FNTA: variants seen among roughly 807,000 people sequenced by gnomAD.
FNTA encodes farnesyltransferase, CAAX box, subunit alpha.
A neutral mutation model predicts 55.2 loss-of-function variants in FNTA; 27 were observed. The observed-to-expected ratio is 0.49, with a 90% confidence interval of 0.36 to 0.67. The LOEUF is 0.67. Among genes scored for constraint, FNTA ranks in the 30% least tolerant of loss-of-function variants. The pLI, the probability that FNTA is intolerant of heterozygous loss-of-function variation, is 0.00. For missense variants in FNTA, 422 were observed against 464.7 expected, an observed-to-expected ratio of 0.91 and a Z score of 0.85; for synonymous variants, 176 against 170.7, an observed-to-expected ratio of 1.03 and a Z score of -0.24.
At chr8:43,081,206 T>G (rs1811020202) in intron 6 of FNTA, 1 of 152,216 alleles carries the variant, frequency 6.6e-6, no homozygotes, top group Admixed American at 6.5e-5. Context: ...CTTTTACTGT[T>G]CTTCATCCCA....
chr8:43,065,679 C>T (rs1432106643), intron 3 of FNTA, among the ~76,000 whole-genome samples: 2 of 151,384 alleles, frequency 1.3e-5, no homozygotes, highest in Non-Finnish European at 2.9e-5. Context: ...GAACACAGGT[C>T]ATCCTTCAGT....
intron 2 of FNTA, among the ~76,000 whole-genome samples, chr8:43,059,603 TA>T (rs1265705462): frequency 6.6e-6 from 1 of 152,222 alleles, no homozygotes; most frequent in African/African-American, 2.4e-5. Flanking sequence ...CATTTATTGA[TA>T]TTAAAATGAG....
chr8:43,065,664 CT>C (rs1810639143), intron 3 of FNTA, among the ~76,000 whole-genome samples: 1 of 151,396 alleles, frequency 6.6e-6, no homozygotes, highest in Admixed American at 6.6e-5. Flanking sequence ...TATCATTTTT[CT>C]ATTGAACACA....
chr8:43,084,951 C>T, intron 8 of FNTA, 70 bp downstream of exon 8: 10 of 1,420,392 alleles, frequency 7.0e-6, no homozygotes, highest in Non-Finnish European at 9.8e-6. Flanking sequence ...CCACTAATAT[C>T]CATGTCCCCT....
intron 6 of FNTA, chr8:43,081,896 T>C (rs991663295): frequency 6.6e-6 from 1 of 152,208 alleles, no homozygotes; most frequent in Non-Finnish European, 1.5e-5. Flanking sequence ...AAATAGGTAA[T>C]GCTTTAGTAC....
intron 1 of FNTA, chr8:43,057,353 A>G (rs905402103): frequency 2.6e-5 from 4 of 152,228 alleles, no homozygotes; most frequent in Non-Finnish European, 5.9e-5. Flanking sequence ...GTGAATGAGT[A>G]GAAGTCACTA....
At chr8:43,067,571 T>C (rs549409803) in intron 3 of FNTA, among the ~76,000 whole-genome samples, 1 of 152,252 alleles carries the variant, frequency 6.6e-6, no homozygotes, top group South Asian at 2.1e-4. Flanking sequence ...TATTGCTGTT[T>C]TGAAAGAAGC....
intron 5 of FNTA, among the ~76,000 whole-genome samples, chr8:43,075,436 GT>G (rs752898520): frequency 2.3e-4 from 34 of 151,100 alleles, no homozygotes; most frequent in Non-Finnish European, 1.2e-4. Context: ...TTATTTATAA[GT>G]TTTTTTTATC....
intron 4 of FNTA, 52 bp downstream of exon 4, chr8:43,069,711 C>T (rs1193506273): frequency 3.8e-6 from 4 of 1,066,208 alleles, no homozygotes; most frequent in South Asian, 1.3e-5. Flanking sequence ...GTGGCATGAC[C>T]TCGGCTCACT....
At position 43,064,222 on chromosome 8, in the gene FNTA, A is replaced by C. The variant is rs1810601811; in HGVS notation, c.401+7A>C. On this transcript the variant is annotated splice_region_variant and intron_variant, in intron 3 of 8. Transcript: ENST00000302279. ...CAGCCAATTATACAGTGTGGTAAGT[A>C]ATACACATCATCAGTATTCCCTGCT... 6.7e-7 allele frequency: 1 copy of C among 1,486,182 alleles called. No homozygotes were observed. Among genetic ancestry groups the C allele is most frequent in the Non-Finnish European group, 9.4e-7 (1 of 1,063,828 alleles). 92.1% of individuals were successfully genotyped at this position (1,486,182 alleles called of 1,614,324 possible). A position where few individuals can be genotyped will look rare whatever the true frequency, so the allele number is the denominator to read the frequency against.
At chr8:43,078,221 T>C (rs1172795824) in intron 6 of FNTA, 1 of 152,236 alleles carries the variant, frequency 6.6e-6, no homozygotes, top group Non-Finnish European at 1.5e-5. Flanking sequence ...CTCTGGGCTT[T>C]TGTCTGGAGC....
At position 43,064,199 on chromosome 8, in the gene FNTA, G is replaced by T; in HGVS notation, c.385G>T (p.Ala129Ser). The change falls in exon 3 of 9, where the codon GCC (alanine) becomes TCC (serine). Residue 129 changes from alanine to serine, a missense_variant. Ala to Ser is a moderately conservative substitution (Grantham distance 99). Transcript: ENST00000302279. ...CCGGGATGCTATTGAGTTAAATGCAGCCAATTATACAGTGTGGTAAGTAAT... is the reference window on the plus strand; with the variant it reads ...CCGGGATGCTATTGAGTTAAATGCATCCAATTATACAGTGTGGTAAGTAAT... ...LTRDAIELNA[A>S]NYTVWHFRRV... 1 of 1,607,460 alleles carries T rather than the reference G, an allele frequency of 6.2e-7. No individual in the cohort carries two copies. The highest frequency in any genetic ancestry group is 1.3e-5 in the African/African-American group (1 of 74,892).
chr8:43,062,176 TG>T (rs1810549153), intron 2 of FNTA, among the ~76,000 whole-genome samples: 1 of 12,994 alleles, frequency 7.7e-5, no homozygotes, highest in Non-Finnish European at 9.5e-4. Context: ...ATGTTTTATG[TG>T]TGTGTGTGTG....
rs761826685 is a variant in FNTA, at chr8:43,085,210, G to C, written c.1068G>C (p.Trp356Cys). 2 of 1,595,232 alleles carry C rather than the reference G, an allele frequency of 1.3e-6. No individual in the cohort carries two copies. ...KEKDTIRKEYWRYIGRSLQSK... is the reference protein window; with the variant it reads ...KEKDTIRKEYCRYIGRSLQSK... ...AGGACACTATAAGAAAGGAATATTG[G>C]AGATACATTGGAAGATCCCTTCAAA... Residue 356 changes from tryptophan (W) to cysteine (C), a missense_variant, in exon 9 of 9, where the codon TGG becomes TGC. Trp to Cys is a radical substitution (Grantham distance 215). Coordinates refer to ENST00000302279, the MANE Select transcript of FNTA (RefSeq NM_002027.3).
intron 7 of FNTA, among the ~76,000 whole-genome samples, chr8:43,083,943 C>G (rs1586662869): frequency 6.6e-6 from 1 of 152,114 alleles, no homozygotes; most frequent in African/African-American, 2.4e-5. Flanking sequence ...CATGTTGGTG[C>G]ACACCTGTAA....
intron 2 of FNTA, among the ~76,000 whole-genome samples, chr8:43,062,154 G>A (rs1810547257): frequency 6.9e-6 from 1 of 145,400 alleles, no homozygotes; most frequent in Non-Finnish European, 1.5e-5. Flanking sequence ...TTTTATCAAT[G>A]TGCATATGTG....
chr8:43,064,844 AT>A (rs1218557745), intron 3 of FNTA, among the ~76,000 whole-genome samples: 106 of 141,000 alleles, frequency 7.5e-4, no homozygotes, highest in Admixed American at 1.7e-3. Flanking sequence ...TTTTACTTTT[AT>A]TTTTTTTTTT....
At chr8:43,059,323 ATG>A (rs931259772) in intron 2 of FNTA, 146 bp downstream of exon 2, 26 of 598,092 alleles carry the variant, frequency 4.3e-5, no homozygotes, top group African/African-American at 1.7e-4. Flanking sequence ...TGTTTTTTTT[ATG>A]TGTGTGTGTG....
intron 3 of FNTA, among the ~76,000 whole-genome samples, chr8:43,068,045 G>T (rs1586656224): frequency 6.6e-6 from 1 of 152,074 alleles, no homozygotes; most frequent in Non-Finnish European, 1.5e-5. Context: ...GACTACAGGC[G>T]CATGCCACCA....
Sources: gnomAD v4.1 joint callset for allele counts (sites outside exome capture counted in the v4.1 genomes callset) on GRCh38, gnomAD v4.1.1 for gene constraint, MANE v1.5 for transcripts, NCBI Gene and HGNC (gene_info 2026-07-23, HGNC 2026-07-21) for gene names.